Variants in ZNF804B observed in about 807,000 individuals in gnomAD.
The protein encoded by ZNF804B is zinc finger protein 804B, also known as zinc finger 804B.
ZNF804B carries 80 observed loss-of-function variants against 101.4 expected under a neutral mutation model. The ratio of observed to expected loss-of-function variants is 0.79; its 90% CI spans 0.66 to 0.95. The LOEUF is 0.95. Among genes scored for constraint, ZNF804B ranks in the 40% least tolerant of loss-of-function variants. The pLI, the probability that ZNF804B is intolerant of heterozygous loss-of-function variation, is 0.00. For synonymous variants in ZNF804B, 622 were observed against 558.8 expected (o/e 1.11, Z -1.59); for missense variants, 1,673 against 1,561.9 (o/e 1.07, Z -1.20).
rs143690222 is a variant in ZNF804B at position 89,311,983 on chromosome 7, T to A, written c.250-15361T>A. Among the ~76,000 whole-genome samples the A allele has an allele frequency of 1.2e-4, 19 of 152,236 alleles. No individual in the cohort carries two copies. In the East Asian group the frequency reaches 3.7e-3, roughly 29 times the overall value. Reference sequence around the variant, plus strand: ...CCACAATAGCTAAAAGATGAAAGGATCTCGGTAATGCCTCAGAGGTAGTGG... The same window carrying A: ...CCACAATAGCTAAAAGATGAAAGGAACTCGGTAATGCCTCAGAGGTAGTGG... On this transcript the variant is annotated intron_variant, in intron 2 of 3. Coordinates refer to ENST00000333190, the MANE Select transcript of ZNF804B (RefSeq NM_181646.5).
Position 88,926,907 on chromosome 7 carries a change from T to G in ZNF804B, c.108+166823T>G, listed in dbSNP as rs1388997647. On this transcript the variant is annotated intron_variant, in intron 1 of 3. Transcript: ENST00000333190. ...TTTTTTCTCATTTTAAAATAAATTA[T>G]AGACCACACTTAGATGTCTGCCGGG... Among the ~76,000 whole-genome samples the G allele has an allele frequency of 2.1e-5, 3 of 140,622 alleles. No homozygotes were observed. In the Admixed American group the frequency reaches 2.2e-4, roughly 10 times the overall value. 92.3% of individuals were successfully genotyped at this position (140,622 alleles called of 152,430 possible).
intron 1 of ZNF804B, among the ~76,000 whole-genome samples, chr7:89,111,089 A>G (rs955501266): frequency 6.6e-6 from 1 of 152,124 alleles, no homozygotes; most frequent in African/African-American, 2.4e-5. Flanking sequence ...TTTAAATAAT[A>G]TTCTGTTGGC....
At chr7:88,805,207 A>G (rs965509299) in intron 1 of ZNF804B, among the ~76,000 whole-genome samples, 66 of 151,148 alleles carry the variant, frequency 4.4e-4, no homozygotes, top group Admixed American at 3.4e-3. Context: ...CTACTAAAAC[A>G]TTATTGTATT....
chr7:89,318,619 C>T (rs964373558), intron 2 of ZNF804B, among the ~76,000 whole-genome samples: 37 of 152,072 alleles, frequency 2.4e-4, no homozygotes, highest in Admixed American at 9.8e-4. Context: ...AAAAATTAAC[C>T]GCGTGTGGTG....
chr7:89,061,790 T>C (rs1789384694), intron 1 of ZNF804B, among the ~76,000 whole-genome samples: 5 of 152,222 alleles, frequency 3.3e-5, no homozygotes, highest in African/African-American at 1.2e-4. Context: ...ATATCATATC[T>C]TACTGTCTAT....
At position 89,335,467 on chromosome 7, in the gene ZNF804B, G is replaced by A. The variant is rs769658903; in HGVS notation, c.2485G>A (p.Asp829Asn). ...AAAATCTACGAGAATCATCTATTGT[G>A]ATTCTAACTCACAGATTTCCTGTAC... ...GLKSTRIIYC[D>N]SNSQISCTGS... The change falls in exon 4 of 4, where the codon GAT becomes AAT. Residue 829 changes from aspartate (D) to asparagine (N), a missense_variant. Physicochemically the swap from Asp to Asn is conservative, Grantham distance 23 (BLOSUM62 1). Transcript: ENST00000333190. The A allele has an allele frequency of 1.2e-6, 2 of 1,613,956 alleles. No homozygotes were observed. The highest frequency in any genetic ancestry group is 2.7e-5 in the African/African-American group (2 of 75,036).
intron 2 of ZNF804B, among the ~76,000 whole-genome samples, chr7:89,306,525 A>T (rs1790564531): frequency 6.6e-6 from 1 of 151,986 alleles, no homozygotes; most frequent in Admixed American, 6.6e-5. Flanking sequence ...AAGTATTGAA[A>T]GCTGTGAAAT....
intron 2 of ZNF804B, among the ~76,000 whole-genome samples, chr7:89,315,713 C>T (rs927036861): frequency 6.6e-6 from 1 of 151,896 alleles, no homozygotes; most frequent in African/African-American, 2.4e-5. Context: ...TCTGAATAGA[C>T]ACATGGCTCT....
intron 1 of ZNF804B, among the ~76,000 whole-genome samples, chr7:88,806,873 A>G (rs1218820889): frequency 6.6e-6 from 1 of 152,050 alleles, no homozygotes; most frequent in African/African-American, 2.4e-5. Flanking sequence ...ATTTGCCTCC[A>G]GTGATCTATT....
intron 1 of ZNF804B, among the ~76,000 whole-genome samples, chr7:88,776,806 G>A (rs1158572849): frequency 1.1e-5 from 1 of 95,236 alleles, no homozygotes; most frequent in Non-Finnish European, 2.0e-5. Context: ...TGTTCACTTC[G>A]TTATTTAAAA....
At chr7:89,324,771 A>G (rs577728154) in intron 2 of ZNF804B, among the ~76,000 whole-genome samples, 1 of 150,634 alleles carries the variant, frequency 6.6e-6, no homozygotes, top group South Asian at 2.1e-4. Context: ...AACTGCTATT[A>G]CATCCTGATA....
At chr7:89,110,472 G>A (rs929441987) in intron 1 of ZNF804B, among the ~76,000 whole-genome samples, 1 of 152,176 alleles carries the variant, frequency 6.6e-6, no homozygotes, top group Non-Finnish European at 1.5e-5. Context: ...TGTGGTTCTG[G>A]ACAAAGGGAG....
chr7:88,861,494 A>G (rs1791643436), intron 1 of ZNF804B, among the ~76,000 whole-genome samples: 1 of 152,194 alleles, frequency 6.6e-6, no homozygotes, highest in Non-Finnish European at 1.5e-5. Context: ...AAGGCATTTA[A>G]TATAGGGTGC....
At chr7:88,842,005 T>C (rs1275568765) in intron 1 of ZNF804B, among the ~76,000 whole-genome samples, 2 of 152,194 alleles carry the variant, frequency 1.3e-5, no homozygotes, top group Admixed American at 6.5e-5. Flanking sequence ...GATTGAGATA[T>C]GTCATAATCT....
intron 1 of ZNF804B, among the ~76,000 whole-genome samples, chr7:89,091,830 G>A (rs1789892753): frequency 6.6e-6 from 1 of 152,014 alleles, no homozygotes; most frequent in Admixed American, 6.6e-5. Flanking sequence ...TTCTCTCCTT[G>A]TCTCCATCAA....
intron 2 of ZNF804B, among the ~76,000 whole-genome samples, chr7:89,224,034 A>C (rs1347482222): frequency 6.6e-6 from 1 of 151,964 alleles, no homozygotes; most frequent in Non-Finnish European, 1.5e-5. Flanking sequence ...TCCCTTTCTC[A>C]AGATTGTTAG....
intron 2 of ZNF804B, among the ~76,000 whole-genome samples, chr7:89,259,994 AAGAG>A (rs1030594401): frequency 2.0e-5 from 3 of 151,692 alleles, no homozygotes; most frequent in African/African-American, 7.3e-5. Context: ...AAAAAATAAA[AAGAG>A]AGAGAGAGAG....
intron 1 of ZNF804B, among the ~76,000 whole-genome samples, chr7:88,965,703 T>C (rs954799069): frequency 4.0e-5 from 6 of 151,516 alleles, no homozygotes; most frequent in South Asian, 2.1e-4. Flanking sequence ...TTACAAGCCA[T>C]TGTGAATCAC....
intron 1 of ZNF804B, among the ~76,000 whole-genome samples, chr7:88,904,798 T>C (rs1424402474): frequency 6.6e-6 from 1 of 152,234 alleles, no homozygotes; most frequent in African/African-American, 2.4e-5. Flanking sequence ...TACGTTGATT[T>C]TGTATCCTGG....
Sources: gnomAD v4.1 joint callset for allele counts (sites outside exome capture counted in the v4.1 genomes callset) on GRCh38, gnomAD v4.1.1 for gene constraint, MANE v1.5 for transcripts, NCBI Gene and HGNC (gene_info 2026-07-23, HGNC 2026-07-21) for gene names.